GIMAP4: variants seen among roughly 807,000 people sequenced by gnomAD.
GIMAP4 encodes the protein GTPase IMAP family member 4.
GIMAP4 carries 12 observed loss-of-function variants against 10.8 expected under a neutral mutation model. The observed-to-expected ratio is 1.11, with a 90% CI of 0.71 to 1.81. The LOEUF is 1.81. GIMAP4 is among the 40% of genes most tolerant of loss of function. GIMAP4 has a pLI of 0.00. For synonymous variants in GIMAP4, 149 were observed against 147.2 expected (o/e 1.01, Z -0.09); for missense variants, 412 against 404.6 (o/e 1.02, Z -0.16).
Position 150,569,922 on chromosome 7 carries a change from T to G in GIMAP4, c.21T>G (p.Ser7Arg). Residue 7 changes from serine (S) to arginine (R), a missense_variant, in exon 2 of 3, where the codon AGT (serine) becomes AGG (arginine). Ser to Arg is a moderately radical substitution (Grantham distance 110, BLOSUM62 -1). Transcript: ENST00000255945. ...CGACAATGGCAGCCCAATACGGCAGTATGAGCTTCAACCCCAGCACACCAG... is the reference window on the plus strand; with the variant it reads ...CGACAATGGCAGCCCAATACGGCAGGATGAGCTTCAACCCCAGCACACCAG... The part of the protein sequence containing the change: MAAQYG[S>R]MSFNPSTPGA... 6.3e-7 allele frequency: 1 copy of G among 1,591,854 alleles called. No individual in the cohort carries two copies.
In GIMAP4 at chr7:150,569,908, G is replaced by A. The variant is rs562251401; in HGVS notation, c.7G>A (p.Ala3Thr). 2.8e-4 allele frequency: 433 copies of A among 1,568,410 alleles called. 4 individuals are homozygous for A. In the South Asian group the frequency reaches 4.4e-3, roughly 16 times the overall value. The change falls in exon 2 of 3, where the codon GCC (alanine) becomes ACC (threonine). Residue 3 changes from alanine (A) to threonine (T), a missense_variant. Physicochemically the swap from Ala to Thr is moderately conservative, Grantham distance 58 (BLOSUM62 0). Transcript: ENST00000255945. The part of the protein sequence containing the change: MA[A>T]QYGSMSFNPS... Reference sequence around the variant, plus strand: ...TACAGGAGTTCAAGCGACAATGGCAGCCCAATACGGCAGTATGAGCTTCAA... The same window carrying A: ...TACAGGAGTTCAAGCGACAATGGCAACCCAATACGGCAGTATGAGCTTCAA...
chr7:150,572,651 C>T lies in GIMAP4; in HGVS notation c.581C>T (p.Thr194Ile), dbSNP rs1795747100. 6.2e-7 allele frequency: 1 copy of T among 1,614,222 alleles called. No homozygotes were observed. Among genetic ancestry groups the T allele is most frequent in the Non-Finnish European group, 8.5e-7 (1 of 1,180,024 alleles). The change falls in exon 3 of 3, where the codon ACA (threonine) becomes ATA (isoleucine). Residue 194 changes from threonine to isoleucine, a missense_variant. Thr to Ile is a moderately conservative substitution (Grantham distance 89). Coordinates refer to ENST00000255945, the MANE Select transcript of GIMAP4 (RefSeq NM_018326.3). ...DRYCALNNKA[T>I]GAEQEAQRAQ... ...TACTGTGCGTTAAACAACAAGGCAA[C>T]AGGCGCTGAGCAGGAGGCCCAGAGG...
At chr7:150,569,214 AG>A (rs1283742325) in intron 1 of GIMAP4, among the ~76,000 whole-genome samples, 2 of 152,212 alleles carry the variant, frequency 1.3e-5, no homozygotes, top group African/African-American at 2.4e-5. Flanking sequence ...AAGGGATTGA[AG>A]GGGAGATGAT....
At chr7:150,569,138 A>G (rs1363569779) in intron 1 of GIMAP4, among the ~76,000 whole-genome samples, 1 of 152,236 alleles carries the variant, frequency 6.6e-6, no homozygotes, top group Non-Finnish European at 1.5e-5. Context: ...GTAAGCCACT[A>G]GGAAATTTAA....
chr7:150,567,976 G>A (rs1795682897), intron 1 of GIMAP4, among the ~76,000 whole-genome samples: 1 of 152,196 alleles, frequency 6.6e-6, no homozygotes, highest in African/African-American at 2.4e-5. Flanking sequence ...TAGGAGGAGG[G>A]AGATGCCACC....
chr7:150,572,902 CA>C lies in GIMAP4; in HGVS notation c.835del (p.Met279TrpfsTer5). ...DKVEQEKRKK[Q>X]MEKKLAEQEA... ...AGTGGAGCAGGAAAAGAGAAAGAAG[CA>C]AATGGAGAAGAAACTAGCAGAACAG... is the stretch of plus-strand genomic sequence containing the variant. On this transcript the variant is annotated frameshift_variant, in exon 3 of 3. Transcript: ENST00000255945. LOFTEE classifies it low-confidence loss of function (END_TRUNC). 1 of 1,614,044 alleles carries C rather than the reference CA, an allele frequency of 6.2e-7. No individual in the cohort carries two copies.
intron 2 of GIMAP4, 56 bp from the exon 3 acceptor site, chr7:150,572,073 A>C (rs1795735419): frequency 8.7e-7 from 1 of 1,144,244 alleles, no homozygotes; most frequent in African/African-American, 1.5e-5. Flanking sequence ...TCTGCAGGGG[A>C]ATCTATTAGA....
intron 1 of GIMAP4, among the ~76,000 whole-genome samples, chr7:150,568,874 G>A (rs1008453734): frequency 1.3e-5 from 2 of 152,202 alleles, no homozygotes; most frequent in South Asian, 2.1e-4. Context: ...GGGTGTTGCT[G>A]GTAGACAGTG....
At chr7:150,568,634 G>A (rs767985185) in intron 1 of GIMAP4, among the ~76,000 whole-genome samples, 4 of 152,124 alleles carry the variant, frequency 2.6e-5, no homozygotes, top group Non-Finnish European at 5.9e-5. Context: ...ATCAATCAAA[G>A]GCAAGAAGCA....
chr7:150,567,728 T>C (rs1795679699), intron 1 of GIMAP4, among the ~76,000 whole-genome samples: 1 of 152,182 alleles, frequency 6.6e-6, no homozygotes, highest in African/African-American at 2.4e-5. Context: ...AGGGATAAAG[T>C]TGGGTGAGCG....
chr7:150,569,945 C>T lies in GIMAP4; in HGVS notation c.44C>T (p.Pro15Leu). 3 of 1,604,892 alleles carry T rather than the reference C, an allele frequency of 1.9e-6. No homozygotes were observed. The highest frequency in any genetic ancestry group is 2.6e-6 in the Non-Finnish European group (3 of 1,174,204). Residue 15 changes from proline to leucine, a missense_variant, in exon 2 of 3, where the codon CCA becomes CTA. Transcript: ENST00000255945. ...YGSMSFNPST[P>L]GASYGPGRQE... ...AGTATGAGCTTCAACCCCAGCACACCAGGGGCCAGTTATGGTGAGAGGGCA... is the reference window on the plus strand; with the variant it reads ...AGTATGAGCTTCAACCCCAGCACACTAGGGGCCAGTTATGGTGAGAGGGCA...
Position 150,569,832 on chromosome 7 carries a change from G to T in GIMAP4, c.-14-56G>T. On this transcript the variant is annotated intron_variant, in intron 1 of 2. Coordinates refer to ENST00000255945, the MANE Select transcript of GIMAP4 (RefSeq NM_018326.3). ...TTGTTGTTGACTACAGGCAGTCAGG[G>T]ATTCTAGTTGCTTCCATTTCCCTAA... The T allele has an allele frequency of 3.7e-6, 3 of 813,532 alleles. No homozygotes were observed. In the South Asian group the frequency reaches 4.1e-5, roughly 11 times the overall value. The allele number at this position is 813,532 out of a possible 1,614,324, so 50.4% of individuals were successfully genotyped here. A position where few individuals can be genotyped will look rare whatever the true frequency, so the allele number is the denominator to read the frequency against.
chr7:150,571,320 G>A (rs762754762), intron 2 of GIMAP4, among the ~76,000 whole-genome samples: 163 of 152,226 alleles, frequency 1.1e-3, no homozygotes, highest in Non-Finnish European at 2.0e-3. Flanking sequence ...GTTATCAAAC[G>A]TGGGAAGGTG....
rs1311121190 is a variant in GIMAP4 at position 150,572,350 on chromosome 7, G to A, written c.280G>A (p.Val94Met). 1 of 1,614,016 alleles carries A rather than the reference G, an allele frequency of 6.2e-7. No homozygotes were observed. The highest frequency in any genetic ancestry group is 1.7e-5 in the Admixed American group (1 of 60,014). The part of the protein sequence containing the change: ...VDTPGIFDTE[V>M]PNAETSKEII... Reference sequence around the variant, plus strand: ...CACACCAGGCATTTTCGACACAGAGGTGCCCAATGCTGAAACGTCCAAGGA... The same window carrying A: ...CACACCAGGCATTTTCGACACAGAGATGCCCAATGCTGAAACGTCCAAGGA... Residue 94 changes from valine (V) to methionine (M), a missense_variant, in exon 3 of 3, where the codon GTG becomes ATG. By Grantham distance (21) the Val-to-Met change is conservative. Transcript: ENST00000255945.
Position 150,572,978 on chromosome 7 carries a change from G to T in GIMAP4, c.908G>T (p.Ser303Ile). The T allele has an allele frequency of 1.9e-6, 3 of 1,613,372 alleles. No homozygotes were observed. Among genetic ancestry groups the T allele is most frequent in the Middle Eastern group, 1.7e-4 (1 of 6,056 alleles). Residue 303 changes from serine to isoleucine, a missense_variant, in exon 3 of 3, where the codon AGT (serine) becomes ATT (isoleucine). By Grantham distance (142) the Ser-to-Ile change is moderately radical. Transcript: ENST00000255945. ...CAAAGGGCAAGAACGGAAGTGGAGA[G>T]TAAGGATGGGATACTTGAATTAATC... ...RQQRARTEVE[S>I]KDGILELIMT...
chr7:150,571,278 C>T (rs895054611), intron 2 of GIMAP4, among the ~76,000 whole-genome samples: 1 of 152,154 alleles, frequency 6.6e-6, no homozygotes, highest in South Asian at 2.1e-4. Flanking sequence ...ACATCACTTT[C>T]GGAAATACGC....
chr7:150,570,036 T>C, intron 2 of GIMAP4, 77 bp downstream of exon 2: 1 of 633,814 alleles, frequency 1.6e-6, no homozygotes, highest in Non-Finnish European at 2.8e-6. Flanking sequence ...TGGGGGGGAA[T>C]AGGGGTGGGG....
At chr7:150,569,498 A>T (rs1362686914) in intron 1 of GIMAP4, among the ~76,000 whole-genome samples, 1 of 152,184 alleles carries the variant, frequency 6.6e-6, no homozygotes, top group African/African-American at 2.4e-5. Context: ...TCTGTTTGAG[A>T]TGCCCATGAA....
chr7:150,571,887 C>A (rs993998886), intron 2 of GIMAP4, among the ~76,000 whole-genome samples: 2 of 152,186 alleles, frequency 1.3e-5, no homozygotes, highest in African/African-American at 4.8e-5. Flanking sequence ...AAAGGTCAGA[C>A]TGAGAAGCTC....
Sources: gnomAD v4.1 joint callset for allele counts (sites outside exome capture counted in the v4.1 genomes callset) on GRCh38, gnomAD v4.1.1 for gene constraint, MANE v1.5 for transcripts, NCBI Gene and HGNC (gene_info 2026-07-23, HGNC 2026-07-21) for gene names.